Variants in CARD8 observed in about 807,000 individuals in gnomAD.
CARD8 encodes the protein caspase recruitment domain family member 8.
In CARD8, 38 loss-of-function variants were observed where a neutral mutation model predicts 53.2. That is an observed-to-expected ratio of 0.71 (90% CI 0.55 to 0.94). The LOEUF is 0.94. Ranked by LOEUF, CARD8 falls within the 40% of genes least tolerant of loss-of-function variation. CARD8 has a pLI of 0.00. For missense variants in CARD8, 561 were observed against 655.5 expected (o/e 0.86, Z 1.57); for synonymous variants, 245 against 244.9 (o/e 1.00, Z 0.00).
chr19:48,253,163 G>T (rs931638376), intron 1 of CARD8, among the ~76,000 whole-genome samples: 2 of 152,196 alleles, frequency 1.3e-5, no homozygotes, highest in African/African-American at 4.8e-5. Flanking sequence ...AAAAGAATAG[G>T]ACTGGTTAAG....
intron 4 of CARD8, 49 bp from the exon 5 acceptor site, chr19:48,238,581 G>A (rs770474966): frequency 2.7e-5 from 41 of 1,511,410 alleles, no homozygotes; most frequent in African/African-American, 5.5e-5. Flanking sequence ...AGAGGAGCTC[G>A]ATGGTGGGAC....
At chr19:48,237,608 C>T (rs75570817) in intron 5 of CARD8, among the ~76,000 whole-genome samples, 2 of 151,630 alleles carry the variant, frequency 1.3e-5, no homozygotes, top group Non-Finnish European at 2.9e-5. Flanking sequence ...ACCAGCCTGG[C>T]CAACATGGTG....
chr19:48,238,562 G>A lies in CARD8; in HGVS notation c.60-30C>T, dbSNP rs1166419087. 3.3e-6 allele frequency: 5 copies of A among 1,534,958 alleles called. No individual in the cohort carries two copies. The African/African-American group carries it at 5.5e-5, about 17-fold the overall frequency. On this transcript the variant is annotated intron_variant, in intron 4 of 13. Coordinates refer to ENST00000651546, the MANE Select transcript of CARD8 (RefSeq NM_001184900.3). ...GAAAACACAAATGGAATTGGAATGT[G>A]AGCATGTCAGAGGAGCTCGATGGTG...
chr19:48,213,179 T>C (rs1207196877), intron 13 of CARD8: 1 of 152,232 alleles, frequency 6.6e-6, no homozygotes, highest in Non-Finnish European at 1.5e-5. Context: ...TCCATTTAAG[T>C]TGGACTTTCT....
At chr19:48,241,214 T>C (rs1335335861) in intron 3 of CARD8, among the ~76,000 whole-genome samples, 151 bp from the exon 4 acceptor site, 2 of 152,128 alleles carry the variant, frequency 1.3e-5, no homozygotes, top group Admixed American at 6.6e-5. Context: ...TGGTAGGTAC[T>C]TGGGACAGAG....
At chr19:48,233,590 T>A in intron 6 of CARD8, 1 of 344,220 alleles carries the variant, frequency 2.9e-6, no homozygotes, top group Non-Finnish European at 5.7e-6. Context: ...CCATTTTATA[T>A]TCTCTTTCCT....
At chr19:48,232,527 G>A (rs1426948236) in intron 6 of CARD8, 34 bp from the exon 7 acceptor site, 4 of 1,517,950 alleles carry the variant, frequency 2.6e-6, no homozygotes, top group Non-Finnish European at 2.7e-6. Context: ...ACAAAAAGAT[G>A]AAAAACATCA....
intron 12 of CARD8, among the ~76,000 whole-genome samples, chr19:48,218,481 C>T (rs1000142189): frequency 2.0e-5 from 3 of 151,294 alleles, no homozygotes; most frequent in African/African-American, 4.9e-5. Flanking sequence ...CAGCCTCCCA[C>T]GTAGCCAGGA....
At position 48,208,774 on chromosome 19, in the gene CARD8, A is replaced by C. The variant is rs4433919; in HGVS notation, c.*2936T>G. On this transcript the variant is annotated 3_prime_UTR_variant, in exon 14 of 14. Coordinates refer to ENST00000651546, the MANE Select transcript of CARD8 (RefSeq NM_001184900.3). ...GGGTGGATCATGAGGTCAGGAGATC[A>C]AGACCATCCTGGCCAAAATGGTGAA... is the stretch of plus-strand genomic sequence containing the variant. 2 of 151,280 alleles carry C rather than the reference A, an allele frequency of 1.3e-5. No individual in the cohort carries two copies. The highest frequency in any genetic ancestry group is 4.9e-5 in the African/African-American group (2 of 41,102). 9.4% of individuals were successfully genotyped at this position (151,280 alleles called of 1,614,324 possible).
intron 13 of CARD8, 123 bp from the exon 14 acceptor site, chr19:48,212,098 G>A: frequency 3.5e-6 from 3 of 856,106 alleles, no homozygotes; most frequent in East Asian, 2.5e-5. Flanking sequence ...AGCTTAATTT[G>A]TGGACATACA....
chr19:48,249,305 A>G (rs935251827), intron 3 of CARD8, among the ~76,000 whole-genome samples: 6 of 152,264 alleles, frequency 3.9e-5, no homozygotes, highest in Admixed American at 3.3e-4. Flanking sequence ...TATTTAAAAT[A>G]CAAACCAAAT....
intron 1 of CARD8, among the ~76,000 whole-genome samples, chr19:48,251,935 C>T (rs1176452699): frequency 6.6e-6 from 1 of 152,136 alleles, no homozygotes; most frequent in Non-Finnish European, 1.5e-5. Context: ...CCTCCTGCTG[C>T]TTGGTTGCTT....
At chr19:48,213,339 G>C (rs1012470609) in intron 13 of CARD8, among the ~76,000 whole-genome samples, 1 of 151,708 alleles carries the variant, frequency 6.6e-6, no homozygotes, top group African/African-American at 2.4e-5. Flanking sequence ...TGGAAACTTG[G>C]TCCTCTCAGT....
chr19:48,211,313 G>A lies in CARD8; in HGVS notation c.*397C>T, dbSNP rs10418580. 110 of 162,164 alleles carry A rather than the reference G, an allele frequency of 6.8e-4. 1 individual carries two copies. The highest frequency in any genetic ancestry group is 2.5e-3 in the African/African-American group (103 of 41,628). The allele number at this position is 162,164 out of a possible 1,614,324, so 10.0% of individuals were successfully genotyped here. A position where few individuals can be genotyped will look rare whatever the true frequency, so the allele number is the denominator to read the frequency against. On this transcript the variant is annotated 3_prime_UTR_variant, in exon 14 of 14. Transcript: ENST00000651546. ...TTTCTGCTTTTAGTTATGAGAAGGT[G>A]ATACTTCAAACGGAGTGTCCATAGG...
chr19:48,255,113 A>T (rs1966895229), intron 1 of CARD8, among the ~76,000 whole-genome samples: 1 of 152,218 alleles, frequency 6.6e-6, no homozygotes, highest in South Asian at 2.1e-4. Context: ...CACGCCTGTA[A>T]TCCCAACACT....
intron 3 of CARD8, 92 bp from the exon 4 acceptor site, chr19:48,241,155 G>A (rs538542371): frequency 5.0e-5 from 35 of 706,666 alleles, no homozygotes; most frequent in African/African-American, 4.1e-4. Context: ...TGACAAAAGC[G>A]CTTATTGCTC....
At chr19:48,219,927 C>T (rs191484840) in intron 11 of CARD8, among the ~76,000 whole-genome samples, 1 of 152,206 alleles carries the variant, frequency 6.6e-6, no homozygotes, top group East Asian at 1.9e-4. Context: ...GCAGACATTG[C>T]GCCACTGCAC....
At chr19:48,240,144 A>T (rs1338302256) in intron 4 of CARD8, among the ~76,000 whole-genome samples, 1 of 152,212 alleles carries the variant, frequency 6.6e-6, no homozygotes, top group African/African-American at 2.4e-5. Context: ...ATATTTGGTC[A>T]GATTAATTTG....
At chr19:48,245,094 T>C (rs2045883089) in intron 3 of CARD8, among the ~76,000 whole-genome samples, 1 of 152,212 alleles carries the variant, frequency 6.6e-6, no homozygotes. Context: ...AATACAGTGA[T>C]TGAAAGGAAG....
Sources: gnomAD v4.1 joint callset for allele counts (sites outside exome capture counted in the v4.1 genomes callset) on GRCh38, gnomAD v4.1.1 for gene constraint, MANE v1.5 for transcripts, NCBI Gene and HGNC (gene_info 2026-07-23, HGNC 2026-07-21) for gene names.